PRKD1: variants seen among roughly 807,000 people sequenced by gnomAD.
PRKD1 encodes serine/threonine-protein kinase D1.
A neutral mutation model predicts 95.9 loss-of-function variants in PRKD1; 63 were observed. The ratio of observed to expected loss-of-function variants is 0.66; its 90% CI spans 0.54 to 0.81. The LOEUF is 0.81. PRKD1 is among the 30% of genes least tolerant of loss of function. The pLI, the probability that PRKD1 is intolerant of heterozygous loss-of-function variation, is 0.00. For synonymous variants in PRKD1, 425 were observed against 423.1 expected, an observed-to-expected ratio of 1.00 and a Z score of -0.05; for missense variants, 1,048 against 1,165.3, an observed-to-expected ratio of 0.90 and a Z score of 1.47.
At chr14:29,749,210 T>C (rs1351965858) in intron 1 of PRKD1, among the ~76,000 whole-genome samples, 1 of 152,206 alleles carries the variant, frequency 6.6e-6, no homozygotes, top group Non-Finnish European at 1.5e-5. Flanking sequence ...CCTACTACAC[T>C]ATCTCTTCTC....
At chr14:29,661,906 TATAAA>T (rs1471733170) in intron 4 of PRKD1, among the ~76,000 whole-genome samples, 1 of 152,190 alleles carries the variant, frequency 6.6e-6, no homozygotes, top group Non-Finnish European at 1.5e-5. Context: ...AATGTGTACT[TATAAA>T]ATAGATTTTA....
rs79100415 is a variant in PRKD1 at position 29,767,704 on chromosome 14, G to T, written c.265-42030C>A. On this transcript the variant is annotated intron_variant, in intron 1 of 17. Coordinates refer to ENST00000331968, the MANE Select transcript of PRKD1 (RefSeq NM_002742.3). Reference sequence around the variant, plus strand: ...TATTAATGTGGCATGGAATAAAGACGATTTTAGCAGCAATGTCACATTGTT... The same window carrying T: ...TATTAATGTGGCATGGAATAAAGACTATTTTAGCAGCAATGTCACATTGTT... Among the ~76,000 whole-genome samples the T allele has an allele frequency of 4.1e-3, 626 of 152,224 alleles. 10 individuals are homozygous for T. Among genetic ancestry groups the T allele is most frequent in the African/African-American group, 0.014 (587 of 41,516 alleles).
intron 2 of PRKD1, among the ~76,000 whole-genome samples, chr14:29,672,214 GC>G (rs1882890545): frequency 6.6e-6 from 1 of 152,038 alleles, no homozygotes; most frequent in South Asian, 2.1e-4. Flanking sequence ...GGTGGTGGGT[GC>G]CTGTAGTCCC....
intron 1 of PRKD1, among the ~76,000 whole-genome samples, chr14:29,836,819 G>A (rs1472101845): frequency 6.6e-6 from 1 of 152,120 alleles, no homozygotes; most frequent in African/African-American, 2.4e-5. Flanking sequence ...GAATGCCTTA[G>A]GGCCAATGAA....
At chr14:29,871,332 A>G (rs1893098778) in intron 1 of PRKD1, among the ~76,000 whole-genome samples, 1 of 152,250 alleles carries the variant, frequency 6.6e-6, no homozygotes, top group Non-Finnish European at 1.5e-5. Flanking sequence ...TTTTTAGGAT[A>G]AAAACTATAC....
intron 2 of PRKD1, among the ~76,000 whole-genome samples, chr14:29,682,843 T>C (rs1192461066): frequency 6.6e-6 from 1 of 152,174 alleles, no homozygotes; most frequent in African/African-American, 2.4e-5. Context: ...GCAGGCATTC[T>C]AGACAGAAAG....
intron 15 of PRKD1, among the ~76,000 whole-genome samples, chr14:29,598,202 G>A (rs192326491): frequency 6.6e-6 from 1 of 151,840 alleles, no homozygotes; most frequent in East Asian, 1.9e-4. Flanking sequence ...ATTGAGTCTG[G>A]GAGGCAGAGG....
intron 2 of PRKD1, among the ~76,000 whole-genome samples, chr14:29,702,856 C>T (rs1358716145): frequency 1.3e-5 from 2 of 152,038 alleles, no homozygotes; most frequent in East Asian, 3.9e-4. Context: ...ATGAATAATG[C>T]TCTCATCATT....
intron 1 of PRKD1, among the ~76,000 whole-genome samples, chr14:29,806,609 G>A (rs759378389): frequency 2.0e-4 from 30 of 152,098 alleles, no homozygotes; most frequent in Non-Finnish European, 2.6e-4. Flanking sequence ...CGACTGTTCA[G>A]GTAAGTATTA....
At chr14:29,869,310 C>T (rs943562668) in intron 1 of PRKD1, among the ~76,000 whole-genome samples, 6 of 151,710 alleles carry the variant, frequency 4.0e-5, no homozygotes, top group Non-Finnish European at 8.8e-5. Context: ...GGGCATGGTG[C>T]CACGTGCCTG....
chr14:29,780,006 T>C (rs1306124949), intron 1 of PRKD1, among the ~76,000 whole-genome samples: 2 of 152,162 alleles, frequency 1.3e-5, no homozygotes, highest in Admixed American at 6.5e-5. Context: ...CATCTGATCT[T>C]TGACAAACCT....
intron 1 of PRKD1, among the ~76,000 whole-genome samples, chr14:29,771,011 G>A (rs1888483819): frequency 6.6e-6 from 1 of 151,608 alleles, no homozygotes; most frequent in African/African-American, 2.4e-5. Context: ...ACAAAGTGTT[G>A]AGGGTACAAC....
rs978442270 is a variant in PRKD1 at position 29,673,512 on chromosome 14, C to T, written c.404-7304G>A. Among the ~76,000 whole-genome samples the T allele has an allele frequency of 4.9e-4, 74 of 152,208 alleles. 1 individual carries two copies. Among genetic ancestry groups the T allele is most frequent in the Non-Finnish European group, 1.8e-4 (12 of 68,028 alleles). On this transcript the variant is annotated intron_variant, in intron 2 of 17. Transcript: ENST00000331968. ...CAAAAGACTGCCCTCTTCTCTTTTC[C>T]ATAGCGTCCTGGACACTTCTGTCAT...
At chr14:29,599,611 T>C in intron 14 of PRKD1, 45 bp downstream of exon 14, 1 of 1,541,294 alleles carries the variant, frequency 6.5e-7, no homozygotes, top group African/African-American at 1.4e-5. Context: ...TGATAACATT[T>C]GATATTAAAT....
At chr14:29,904,703 C>T (rs1207418915) in intron 1 of PRKD1, among the ~76,000 whole-genome samples, 1 of 152,100 alleles carries the variant, frequency 6.6e-6, no homozygotes, top group African/African-American at 2.4e-5. Flanking sequence ...TCTGATGGAG[C>T]TTAAATAATT....
In PRKD1 at chr14:29,687,545, T is replaced by C. The variant is rs190300481; in HGVS notation, c.404-21337A>G. On this transcript the variant is annotated intron_variant, in intron 2 of 17. Transcript: ENST00000331968. ...AGTTGTTGCAGAGAGAGTTAGGCCCTTGATTGTCTGGAAGGGGGGCCTGAA... is the reference window on the plus strand; with the variant it reads ...AGTTGTTGCAGAGAGAGTTAGGCCCCTGATTGTCTGGAAGGGGGGCCTGAA... Among the ~76,000 whole-genome samples the C allele has an allele frequency of 3.9e-5, 6 of 152,328 alleles. No homozygotes were observed. The East Asian group carries it at 9.7e-4, about 25-fold the overall frequency.
intron 2 of PRKD1, among the ~76,000 whole-genome samples, chr14:29,707,695 C>T (rs1041485598): frequency 6.6e-6 from 1 of 152,170 alleles, no homozygotes; most frequent in Non-Finnish European, 1.5e-5. Context: ...ACCTCCAATT[C>T]AGGCACTTTT....
At chr14:29,920,621 C>G (rs894369274) in intron 1 of PRKD1, among the ~76,000 whole-genome samples, 1 of 151,412 alleles carries the variant, frequency 6.6e-6, no homozygotes, top group Admixed American at 6.6e-5. Context: ...CACACACACA[C>G]ACACAAAGTT....
intron 10 of PRKD1, 164 bp downstream of exon 10, chr14:29,630,578 T>G: frequency 1.3e-6 from 1 of 763,084 alleles, no homozygotes; most frequent in South Asian, 2.0e-5. Context: ...CATCTTAGTA[T>G]GTGCAGCAGC....
Sources: allele counts gnomAD v4.1 joint callset (sites outside exome capture counted in the v4.1 genomes callset), GRCh38; gene constraint gnomAD v4.1.1; transcripts MANE v1.5; gene names NCBI Gene and HGNC (gene_info 2026-07-23, HGNC 2026-07-21).